ELF2: variants seen among roughly 807,000 people sequenced by gnomAD.
ELF2 encodes the protein E74 like ETS transcription factor 2.
A neutral mutation model predicts 54.8 loss-of-function variants in ELF2; 11 were observed. That is an observed-to-expected ratio of 0.20 (90% CI 0.13 to 0.33). The LOEUF is 0.33. ELF2 is among the 10% of genes least tolerant of loss of function. The probability of loss-of-function intolerance (pLI) is 1.00; values close to 1 mark genes in which losing one functional copy is unlikely to be tolerated. For synonymous variants in ELF2, 203 were observed against 245.1 expected (o/e 0.83, Z 1.61); for missense variants, 513 against 703.0 (o/e 0.73, Z 3.06).
At chr4:139,076,257 C>T (rs1351925118) in intron 4 of ELF2, among the ~76,000 whole-genome samples, 1 of 152,192 alleles carries the variant, frequency 6.6e-6, no homozygotes, top group African/African-American at 2.4e-5. Flanking sequence ...GCAGCCAAAC[C>T]TCTAAGTAAA....
rs748106672 is a variant in ELF2, at chr4:139,125,229, T to C, written c.173A>G (p.Asp58Gly). The C allele has an allele frequency of 1.2e-5, 19 of 1,613,882 alleles. No individual in the cohort carries two copies. In the Admixed American group the frequency reaches 2.8e-4, roughly 24 times the overall value. The change falls in exon 4 of 10, where the codon GAT (aspartate) becomes GGT (glycine). Residue 58 changes from aspartate to glycine, a missense_variant. By Grantham distance (94) the Asp-to-Gly change is moderately conservative. Coordinates refer to ENST00000686138, the MANE Select transcript of ELF2 (RefSeq NM_001331036.3). ...CACATCTTGCATCATATAAGTCTCA[T>C]CATCATAAACCAGAACCTGGGCTGC... ...GYAAQVLVYD[D>G]ETYMMQDVAE...
At chr4:139,107,662 A>T (rs1311243915) in intron 4 of ELF2, among the ~76,000 whole-genome samples, 1 of 152,114 alleles carries the variant, frequency 6.6e-6, no homozygotes, top group East Asian at 1.9e-4. Context: ...AAAAAAAAGC[A>T]CCTCTCAATA....
At chr4:139,080,190 C>T (rs1730903076) in intron 4 of ELF2, among the ~76,000 whole-genome samples, 1 of 152,176 alleles carries the variant, frequency 6.6e-6, no homozygotes, top group Middle Eastern at 3.2e-3. Flanking sequence ...TGGCTATTTA[C>T]ACACTGACTG....
chr4:139,137,410 T>G, intron 3 of ELF2: 1 of 583,246 alleles, frequency 1.7e-6, no homozygotes, highest in Non-Finnish European at 3.0e-6. Flanking sequence ...TCCCTCCAAG[T>G]TCATTCTAAT....
At chr4:139,073,158 A>G (rs1278989753) in intron 5 of ELF2, among the ~76,000 whole-genome samples, 1 of 152,220 alleles carries the variant, frequency 6.6e-6, no homozygotes, top group Non-Finnish European at 1.5e-5. Flanking sequence ...CTGAAGGACT[A>G]TGAAGGCTTA....
chr4:139,173,744 C>A lies in ELF2; in HGVS notation c.-252+3223G>T, dbSNP rs188635337. On this transcript the variant is annotated intron_variant, in intron 1 of 9. Coordinates refer to ENST00000686138, the MANE Select transcript of ELF2 (RefSeq NM_001331036.3). ...CTGCACTCCAGCCTGGGCAACACAG[C>A]GAGACTCCGTCTCAAAAAAAAAAAA... Among the ~76,000 whole-genome samples, 690 of 130,314 alleles carry A rather than the reference C, an allele frequency of 5.3e-3. 5 individuals carry two copies. The highest frequency in any genetic ancestry group is 0.019 in the African/African-American group (640 of 33,830). 85.5% of individuals were successfully genotyped at this position (130,314 alleles called of 152,430 possible). A position where few individuals can be genotyped will look rare whatever the true frequency, so the allele number is the denominator to read the frequency against.
At chr4:139,158,352 C>G (rs1740758268) in intron 1 of ELF2, among the ~76,000 whole-genome samples, 1 of 152,130 alleles carries the variant, frequency 6.6e-6, no homozygotes, top group Non-Finnish European at 1.5e-5. Context: ...GATGGCTTAG[C>G]TTGGACTCAG....
intron 3 of ELF2, among the ~76,000 whole-genome samples, chr4:139,135,269 GTGTGTGTGTGTA>G (rs1560852319): frequency 6.2e-5 from 9 of 145,682 alleles, no homozygotes; most frequent in Admixed American, 2.1e-4. Flanking sequence ...GTGTGTGTGT[GTGTGTGTGTGTA>G]TATATGAATG....
chr4:139,084,123 C>G, intron 4 of ELF2: 1 of 1,613,404 alleles, frequency 6.2e-7, no homozygotes, highest in Non-Finnish European at 8.5e-7. Context: ...AAAAGTTCCC[C>G]TGTCCTTACC....
At chr4:139,102,913 G>C (rs939220097) in intron 4 of ELF2, among the ~76,000 whole-genome samples, 3 of 151,976 alleles carry the variant, frequency 2.0e-5, no homozygotes, top group Non-Finnish European at 4.4e-5. Context: ...CCTGAGACAG[G>C]GTCTCGCTCT....
chr4:139,151,378 C>T (rs1473213517), intron 1 of ELF2, among the ~76,000 whole-genome samples: 1 of 152,032 alleles, frequency 6.6e-6, no homozygotes, highest in Non-Finnish European at 1.5e-5. Flanking sequence ...ACAACATAAA[C>T]CAAAACAAGG....
At chr4:139,140,062 T>C (rs1738557523) in intron 1 of ELF2, among the ~76,000 whole-genome samples, 1 of 152,212 alleles carries the variant, frequency 6.6e-6, no homozygotes, top group South Asian at 2.1e-4. Context: ...CCTGAGGAGC[T>C]GGGACTATAG....
chr4:139,100,605 CCTGTGCAT>C (rs1319364332), intron 4 of ELF2: 4 of 152,326 alleles, frequency 2.6e-5, no homozygotes, highest in Admixed American at 2.0e-4. Flanking sequence ...TGGGACTGCA[CCTGTGCAT>C]AACCACTGTA....
At chr4:139,072,325 T>C (rs1729629590) in intron 5 of ELF2, 1 of 246,716 alleles carries the variant, frequency 4.1e-6, no homozygotes. Context: ...AAACTAATTG[T>C]AGAAAAATTC....
At chr4:139,108,543 C>T (rs927081640) in intron 4 of ELF2, among the ~76,000 whole-genome samples, 14 of 152,024 alleles carry the variant, frequency 9.2e-5, no homozygotes, top group African/African-American at 3.4e-4. Flanking sequence ...GGACCTGCTC[C>T]ATTGCTAACT....
intron 4 of ELF2, among the ~76,000 whole-genome samples, chr4:139,114,581 A>ACACACACC: frequency 6.7e-6 from 1 of 148,664 alleles, no homozygotes; most frequent in African/African-American, 2.5e-5. Flanking sequence ...ACACACACAC[A>ACACACACC]CACACACACA....
At position 139,058,149 on chromosome 4, in the gene ELF2, G is replaced by A. The variant is rs983678202; in HGVS notation, c.*834C>T. On this transcript the variant is annotated 3_prime_UTR_variant, in exon 10 of 10. Coordinates refer to ENST00000686138, the MANE Select transcript of ELF2 (RefSeq NM_001331036.3). ...TGCCAAGGCTAAGTGAGTGACACAG[G>A]CATGTTACAGCAAAAGGCCAGAGCC... 6.6e-6 allele frequency: 1 copy of A among 152,476 alleles called. No homozygotes were observed. Among genetic ancestry groups the A allele is most frequent in the Non-Finnish European group, 1.5e-5 (1 of 68,008 alleles). 9.4% of individuals were successfully genotyped at this position (152,476 alleles called of 1,614,324 possible). A position where few individuals can be genotyped will look rare whatever the true frequency, so the allele number is the denominator to read the frequency against.
At chr4:139,063,047 C>A (rs1728120102) in intron 7 of ELF2, among the ~76,000 whole-genome samples, 1 of 152,120 alleles carries the variant, frequency 6.6e-6, no homozygotes, top group Non-Finnish European at 1.5e-5. Context: ...CACGTGAGGT[C>A]AGGAGTTCGA....
At chr4:139,154,869 G>A (rs1201826030) in intron 1 of ELF2, among the ~76,000 whole-genome samples, 2 of 152,150 alleles carry the variant, frequency 1.3e-5, no homozygotes, top group Non-Finnish European at 2.9e-5. Flanking sequence ...TGTATTCAGT[G>A]AAAGGCTGAT....
Sources: allele counts gnomAD v4.1 joint callset (sites outside exome capture counted in the v4.1 genomes callset), GRCh38; gene constraint gnomAD v4.1.1; transcripts MANE v1.5; gene names NCBI Gene and HGNC (gene_info 2026-07-23, HGNC 2026-07-21).